ASTN1: variants seen among roughly 807,000 people sequenced by gnomAD.
The protein encoded by ASTN1 is astrotactin-1.
Under a neutral mutation model 140.7 loss-of-function variants are expected in ASTN1, and 41 were observed. That is an observed-to-expected ratio of 0.29 (90% confidence interval 0.23 to 0.38). The LOEUF (loss-of-function observed/expected upper bound fraction) is 0.38, where lower values mean the gene tolerates loss of function less well. Ranked by LOEUF, ASTN1 falls within the 10% of genes least tolerant of loss-of-function variation. ASTN1 has a pLI of 1.00. For missense variants in ASTN1, 1,479 were observed against 1,678.8 expected, an observed-to-expected ratio of 0.88 and a Z score of 2.08; for synonymous variants, 640 against 652.2, an observed-to-expected ratio of 0.98 and a Z score of 0.29.
chr1:176,930,205 A>AGGAG (rs1024350826), intron 16 of ASTN1, among the ~76,000 whole-genome samples: 2 of 152,194 alleles, frequency 1.3e-5, no homozygotes, highest in Admixed American at 6.5e-5. Flanking sequence ...GAGAGTAAAG[A>AGGAG]GGAGGATCAA....
At chr1:176,982,580 T>C (rs1673668644) in intron 8 of ASTN1, among the ~76,000 whole-genome samples, 1 of 152,122 alleles carries the variant, frequency 6.6e-6, no homozygotes. Context: ...ATCTAACAAG[T>C]TCTCCGGTGA....
intron 1 of ASTN1, among the ~76,000 whole-genome samples, chr1:177,073,925 G>C (rs1257498938): frequency 6.6e-6 from 1 of 151,690 alleles, no homozygotes; most frequent in African/African-American, 2.4e-5. Flanking sequence ...TATCATTAAA[G>C]ATTAGTGACA....
chr1:177,054,282 T>C (rs1233839292), intron 2 of ASTN1, among the ~76,000 whole-genome samples: 3 of 152,148 alleles, frequency 2.0e-5, no homozygotes, highest in African/African-American at 7.2e-5. Flanking sequence ...TTAAAATATA[T>C]TGAAAGCACT....
At chr1:177,100,243 G>A (rs1239541227) in intron 1 of ASTN1, among the ~76,000 whole-genome samples, 1 of 151,918 alleles carries the variant, frequency 6.6e-6, no homozygotes, top group Non-Finnish European at 1.5e-5. Flanking sequence ...ATAATAGTTG[G>A]TATTTGGTGA....
chr1:176,988,070 A>G (rs1673988763), intron 8 of ASTN1, among the ~76,000 whole-genome samples: 1 of 152,206 alleles, frequency 6.6e-6, no homozygotes, highest in Non-Finnish European at 1.5e-5. Flanking sequence ...TCTCATGTTC[A>G]ATTTTGAACA....
intron 1 of ASTN1, among the ~76,000 whole-genome samples, chr1:177,133,345 A>C (rs944525359): frequency 1.3e-5 from 2 of 152,212 alleles, no homozygotes; most frequent in African/African-American, 2.4e-5. Context: ...GCAAAGCCCA[A>C]GCTCTTCTTC....
At chr1:176,945,592 G>C (rs1156626501) in intron 13 of ASTN1, among the ~76,000 whole-genome samples, 1 of 152,296 alleles carries the variant, frequency 6.6e-6, no homozygotes, top group Non-Finnish European at 1.5e-5. Flanking sequence ...GAAGACTGCT[G>C]TTCTAGACTG....
chr1:176,996,244 G>A (rs1477514749), intron 8 of ASTN1, among the ~76,000 whole-genome samples: 1 of 151,398 alleles, frequency 6.6e-6, no homozygotes, highest in Non-Finnish European at 1.5e-5. Context: ...TGGCAAGTAA[G>A]AGACAGAGTC....
At chr1:176,954,236 G>T (rs762146644) in intron 11 of ASTN1, among the ~76,000 whole-genome samples, 3 of 152,174 alleles carry the variant, frequency 2.0e-5, no homozygotes, top group Non-Finnish European at 4.4e-5. Flanking sequence ...CATTATCCTG[G>T]ATTATCTAGG....
At chr1:176,957,258 G>A (rs2103128807) in intron 11 of ASTN1, among the ~76,000 whole-genome samples, 1 of 152,162 alleles carries the variant, frequency 6.6e-6, no homozygotes, top group East Asian at 1.9e-4. Flanking sequence ...TGAAGAAGCA[G>A]GTGCTCATTG....
At chr1:177,059,819 T>C (rs1464461767) in intron 2 of ASTN1, among the ~76,000 whole-genome samples, 1 of 152,162 alleles carries the variant, frequency 6.6e-6, no homozygotes, top group African/African-American at 2.4e-5. Flanking sequence ...GAGCAACAGA[T>C]GAAATAAGGT....
At chr1:177,104,071 T>A (rs1249660797) in intron 1 of ASTN1, among the ~76,000 whole-genome samples, 2 of 152,148 alleles carry the variant, frequency 1.3e-5, no homozygotes, top group African/African-American at 4.8e-5. Context: ...GTGCTAGACA[T>A]GACTGATGCA....
At chr1:176,973,437 G>A (rs761383842) in intron 8 of ASTN1, among the ~76,000 whole-genome samples, 11 of 152,060 alleles carry the variant, frequency 7.2e-5, no homozygotes, top group Non-Finnish European at 1.3e-4. Flanking sequence ...TCCAACACTG[G>A]TTAAACTCAA....
At chr1:177,007,776 G>A (rs1192114232) in intron 8 of ASTN1, among the ~76,000 whole-genome samples, 1 of 152,190 alleles carries the variant, frequency 6.6e-6, no homozygotes, top group Non-Finnish European at 1.5e-5. Context: ...GGGGAGCAAA[G>A]GGCATCATTC....
chr1:176,995,828 CATG>C (rs1674412814), intron 8 of ASTN1, among the ~76,000 whole-genome samples: 1 of 152,106 alleles, frequency 6.6e-6, no homozygotes, highest in African/African-American at 2.4e-5. Context: ...AGAAGACCAT[CATG>C]GTGGTAGAAG....
intron 16 of ASTN1, among the ~76,000 whole-genome samples, chr1:176,903,966 C>T (rs936868997): frequency 2.0e-5 from 3 of 152,204 alleles, no homozygotes; most frequent in African/African-American, 2.4e-5. Context: ...AGTTATCACG[C>T]GGCTTTCTTT....
intron 1 of ASTN1, among the ~76,000 whole-genome samples, chr1:177,111,326 G>A (rs1195174273): frequency 6.6e-6 from 1 of 152,080 alleles, no homozygotes; most frequent in Admixed American, 6.5e-5. Flanking sequence ...TGCCAATTGA[G>A]AGAGGCAATA....
At chr1:177,016,179 G>C (rs1458157135) in intron 7 of ASTN1, among the ~76,000 whole-genome samples, 1 of 152,094 alleles carries the variant, frequency 6.6e-6, no homozygotes, top group Non-Finnish European at 1.5e-5. Context: ...TAGCATCTTA[G>C]CTTAGCCATT....
At chr1:177,102,347 G>A (rs962787045) in intron 1 of ASTN1, among the ~76,000 whole-genome samples, 2 of 152,118 alleles carry the variant, frequency 1.3e-5, no homozygotes, top group Non-Finnish European at 2.9e-5. Flanking sequence ...TCTGAGAGAG[G>A]ATAAAACCTA....
Sources: gnomAD v4.1 joint callset for allele counts (sites outside exome capture counted in the v4.1 genomes callset) on GRCh38, gnomAD v4.1.1 for gene constraint, MANE v1.5 for transcripts, NCBI Gene and HGNC (gene_info 2026-07-23, HGNC 2026-07-21) for gene names.